DRC1: variants seen among roughly 807,000 people sequenced by gnomAD.
DRC1 encodes the protein dynein regulatory complex subunit 1.
A neutral mutation model predicts 98.7 loss-of-function variants in DRC1; 74 were observed. The ratio of observed to expected loss-of-function variants is 0.75; its 90% CI spans 0.62 to 0.91. The LOEUF is 0.91. Among genes scored for constraint, DRC1 ranks in the 40% least tolerant of loss-of-function variants. The pLI, the probability that DRC1 is intolerant of heterozygous loss-of-function variation, is 0.00. For missense variants in DRC1, 875 were observed against 886.0 expected (o/e 0.99, Z 0.16); for synonymous variants, 336 against 334.1 (o/e 1.01, Z -0.06).
rs1664055427 is a variant in DRC1 at position 26,453,347 on chromosome 2, G to T, written c.1717G>T (p.Glu573Ter). Residue 573 changes from glutamate (E) to a stop codon, truncating the protein, a stop_gained, in exon 14 of 17, where the codon GAG (glutamate) becomes TAG (stop). Coordinates refer to ENST00000288710, the MANE Select transcript of DRC1 (RefSeq NM_145038.5). LOFTEE classifies it high-confidence loss of function. ...CAAGCCCTGCAGTCAGGCGAGCATG[G>T]AGAAGGCGAGCATGGAGGAGACAAG... Reference protein sequence around the residue: ...QIKPCSQASMEKASMEETSTR... With the variant: ...QIKPCSQASM 6.2e-7 allele frequency: 1 copy of T among 1,613,106 alleles called. No individual in the cohort carries two copies. Among genetic ancestry groups the T allele is most frequent in the Non-Finnish European group, 8.5e-7 (1 of 1,180,046 alleles).
intron 3 of DRC1, among the ~76,000 whole-genome samples, chr2:26,422,733 T>C (rs945302719): frequency 1.3e-5 from 2 of 152,012 alleles, no homozygotes; most frequent in East Asian, 1.9e-4. Context: ...TTGGCCAACA[T>C]GGTGAAACTC....
intron 10 of DRC1, among the ~76,000 whole-genome samples, chr2:26,447,353 C>T (rs1184693399): frequency 6.6e-6 from 1 of 151,610 alleles, no homozygotes; most frequent in Non-Finnish European, 1.5e-5. Flanking sequence ...GTGGAGGTTG[C>T]AGTCAGCCGA....
rs145180699 is a variant in DRC1, at chr2:26,410,565, C to A, written c.156-3779C>A. Among the ~76,000 whole-genome samples the A allele has an allele frequency of 8.4e-3, 1,279 of 152,228 alleles. 21 individuals are homozygous for A. The highest frequency in any genetic ancestry group is 0.029 in the African/African-American group (1,214 of 41,546). ...GGGATTACAGGCATGAGCCACTGCA[C>A]CCAGCCAGAGAAAAATATTTTTTTT... is the stretch of plus-strand genomic sequence containing the variant. On this transcript the variant is annotated intron_variant, in intron 1 of 16. Transcript: ENST00000288710.
chr2:26,418,590 TA>T lies in DRC1; in HGVS notation c.244-2697del, dbSNP rs1678906970. On this transcript the variant is annotated intron_variant, in intron 2 of 16. Transcript: ENST00000288710. ...TAATATATATTATATATAAATTATA[TA>T]TAATTTATATAATATATAAATTATA... 3.1e-5 allele frequency among the ~76,000 whole-genome samples: 3 copies of T among 98,218 alleles called. 1 individual carries two copies. The highest frequency in any genetic ancestry group is 1.4e-4 in the African/African-American group (3 of 21,064). 64.4% of individuals were successfully genotyped at this position (98,218 alleles called of 152,430 possible).
At chr2:26,405,645 G>A (rs1326731439) in intron 1 of DRC1, among the ~76,000 whole-genome samples, 3 of 137,326 alleles carry the variant, frequency 2.2e-5, no homozygotes, top group East Asian at 4.2e-4. Flanking sequence ...TTTTTTTAAA[G>A]GCTATATCTT....
chr2:26,444,120 A>G, intron 8 of DRC1, 102 bp from the exon 9 acceptor site: 1 of 1,531,706 alleles, frequency 6.5e-7, no homozygotes, highest in South Asian at 1.2e-5. Flanking sequence ...TCTTCCACAG[A>G]TCTGCTCCTG....
At position 26,431,988 on chromosome 2, in the gene DRC1, G is replaced by A. The variant is rs765263654; in HGVS notation, c.870G>A (p.Lys290=). 6.2e-7 allele frequency: 1 copy of A among 1,614,120 alleles called. No individual in the cohort carries two copies. Among genetic ancestry groups the A allele is most frequent in the Admixed American group, 1.7e-5 (1 of 60,012 alleles). The change falls in exon 7 of 17, where the codon AAG becomes AAA. Residue 290 remains lysine, a synonymous_variant. Transcript: ENST00000288710. Reference sequence around the variant, plus strand: ...AAGAATACAACATGATCAAGATCAAGCTGGAGCAGGATGTGCAGGTGCAAC... The same window carrying A: ...AAGAATACAACATGATCAAGATCAAACTGGAGCAGGATGTGCAGGTGCAAC... ...DCEEYNMIKI[K]LEQDVQILEQ...
chr2:26,433,250 C>T (rs1663484898), intron 7 of DRC1, among the ~76,000 whole-genome samples: 1 of 152,180 alleles, frequency 6.6e-6, no homozygotes, highest in South Asian at 2.1e-4. Context: ...TCTTAATATT[C>T]AAGTATGGTC....
chr2:26,415,895 G>A (rs1678783070), intron 2 of DRC1, among the ~76,000 whole-genome samples: 1 of 144,940 alleles, frequency 6.9e-6, no homozygotes, highest in Admixed American at 7.1e-5. Context: ...TCAGGCCACT[G>A]CACTCTAGCC....
chr2:26,429,624 C>T lies in DRC1; in HGVS notation c.541-4C>T. 1.2e-6 allele frequency: 2 copies of T among 1,613,486 alleles called. No homozygotes were observed. The highest frequency in any genetic ancestry group is 1.7e-6 in the Non-Finnish European group (2 of 1,179,794). ...TGGCCAGACTTTTACATGCTCTTTT[C>T]TAGGAGTTAAAAACAAAGGATGACC... On this transcript the variant is annotated splice_polypyrimidine_tract_variant and splice_region_variant and intron_variant, in intron 4 of 16. Transcript: ENST00000288710.
chr2:26,401,967 C>A lies in DRC1; in HGVS notation c.-23C>A. The stretch of plus-strand genomic sequence containing the variant: ...TCTGGAGGTGGTGCGGAGGGAGCCG[C>A]CTAGGGACCAGGGACTCCTGCCATG... On this transcript the variant is annotated 5_prime_UTR_variant, in exon 1 of 17. Coordinates refer to ENST00000288710, the MANE Select transcript of DRC1 (RefSeq NM_145038.5). 1 of 1,580,824 alleles carries A rather than the reference C, an allele frequency of 6.3e-7. No individual in the cohort carries two copies. The highest frequency in any genetic ancestry group is 8.6e-7 in the Non-Finnish European group (1 of 1,163,744).
At chr2:26,417,592 G>A (rs1678852502) in intron 2 of DRC1, among the ~76,000 whole-genome samples, 1 of 152,144 alleles carries the variant, frequency 6.6e-6, no homozygotes, top group African/African-American at 2.4e-5. Context: ...GCTTCCCAAA[G>A]TGCTGGGATT....
chr2:26,404,995 G>T (rs573622436), intron 1 of DRC1, among the ~76,000 whole-genome samples: 1 of 152,172 alleles, frequency 6.6e-6, no homozygotes, highest in Non-Finnish European at 1.5e-5. Context: ...ATGACCCTAG[G>T]CCCCTTTGGG....
At chr2:26,424,243 G>A in intron 3 of DRC1, 28 bp from the exon 4 acceptor site, 1 of 1,612,688 alleles carries the variant, frequency 6.2e-7, no homozygotes, top group Non-Finnish European at 8.5e-7. Flanking sequence ...GAGCTGGGTT[G>A]GCATGGCTGG....
intron 2 of DRC1, among the ~76,000 whole-genome samples, chr2:26,418,736 TTA>T (rs1678937907): frequency 4.2e-5 from 5 of 118,812 alleles, no homozygotes; most frequent in African/African-American, 1.3e-4. Context: ...TATATTTAAT[TTA>T]TATATAATAT....
At chr2:26,418,601 TA>T (rs1678909938) in intron 2 of DRC1, among the ~76,000 whole-genome samples, 3 of 95,050 alleles carry the variant, frequency 3.2e-5, no homozygotes, top group South Asian at 2.6e-4. Flanking sequence ...ATAATTTATA[TA>T]ATATATAAAT....
intron 14 of DRC1, 33 bp downstream of exon 14, chr2:26,453,582 C>T (rs1664066650): frequency 6.3e-7 from 1 of 1,597,158 alleles, no homozygotes; most frequent in Non-Finnish European, 8.6e-7. Flanking sequence ...TTGCCTGAGA[C>T]CAGAACCAGG....
At chr2:26,438,904 G>A (rs1463395494) in intron 7 of DRC1, among the ~76,000 whole-genome samples, 1 of 152,098 alleles carries the variant, frequency 6.6e-6, no homozygotes, top group Non-Finnish European at 1.5e-5. Context: ...CATTTCACTC[G>A]GGAGAAGCAG....
intron 2 of DRC1, among the ~76,000 whole-genome samples, chr2:26,415,859 G>C (rs1678781979): frequency 1.3e-5 from 2 of 150,992 alleles, no homozygotes; most frequent in South Asian, 4.2e-4. Flanking sequence ...TTGAACCCAC[G>C]AGGTGGAGGT....
Sources: allele counts gnomAD v4.1 joint callset (sites outside exome capture counted in the v4.1 genomes callset), GRCh38; gene constraint gnomAD v4.1.1; transcripts MANE v1.5; gene names NCBI Gene and HGNC (gene_info 2026-07-23, HGNC 2026-07-21).